The following RYR3 variants were observed in gnomAD, a reference collection of about 807,000 sequenced individuals.
RYR3 encodes the protein brain ryanodine receptor-calcium release channel.
A neutral mutation model predicts 584.3 loss-of-function variants in RYR3; 207 were observed. The observed-to-expected ratio is 0.35, with a 90% CI of 0.32 to 0.40. The LOEUF (loss-of-function observed/expected upper bound fraction) is 0.40. Among genes scored for constraint, RYR3 ranks in the 10% least tolerant of loss-of-function variants. The probability of loss-of-function intolerance (pLI) is 1.00; values close to 1 mark genes in which losing one functional copy is unlikely to be tolerated. For synonymous variants in RYR3, 2,416 were observed against 2,248.5 expected (o/e 1.07, Z -2.11); for missense variants, 5,616 against 6,089.2 (o/e 0.92, Z 2.59).
At chr15:33,578,576 G>T (rs1293563852) in intron 12 of RYR3, among the ~76,000 whole-genome samples, 1 of 152,082 alleles carries the variant, frequency 6.6e-6, no homozygotes, top group African/African-American at 2.4e-5. Context: ...ATGGACACAG[G>T]GAGGGGAACA....
At chr15:33,618,808 C>G (rs375943112) in intron 19 of RYR3, among the ~76,000 whole-genome samples, 21 of 152,268 alleles carry the variant, frequency 1.4e-4, no homozygotes, top group Non-Finnish European at 2.8e-4. Context: ...TTAGTCACCC[C>G]CTTTGAGCAC....
intron 3 of RYR3, among the ~76,000 whole-genome samples, chr15:33,504,861 C>A (rs1357730654): frequency 2.0e-5 from 3 of 152,184 alleles, no homozygotes; most frequent in Non-Finnish European, 4.4e-5. Flanking sequence ...TTCCCTCCTC[C>A]TCTCTCACTT....
chr15:33,388,347 A>G (rs2041768750), intron 1 of RYR3, among the ~76,000 whole-genome samples: 1 of 152,230 alleles, frequency 6.6e-6, no homozygotes, highest in Non-Finnish European at 1.5e-5. Flanking sequence ...GGAAGATGGT[A>G]TAGTGGAAAT....
rs74008335 is a variant in RYR3, at chr15:33,821,196, C to G, written c.10816-74C>G. 3,551 of 1,202,484 alleles carry G rather than the reference C, an allele frequency of 3.0e-3. 80 individuals carry two copies. The African/African-American group carries it at 0.047, about 16-fold the overall frequency. The allele number at this position is 1,202,484 out of a possible 1,614,324, so 74.5% of individuals were successfully genotyped here. ...TCCTTAGGTAACTGGAAAATTCTCT[C>G]TCACCTCACTATGGGTGAACTCCCT... On this transcript the variant is annotated intron_variant, in intron 78 of 103. Transcript: ENST00000634891.
At position 33,601,409 on chromosome 15, in the gene RYR3, C is replaced by A; in HGVS notation, c.1789-10C>A. 1 of 1,611,292 alleles carries A rather than the reference C, an allele frequency of 6.2e-7. No individual in the cohort carries two copies. The highest frequency in any genetic ancestry group is 8.5e-7 in the Non-Finnish European group (1 of 1,178,890). The stretch of plus-strand genomic sequence containing the variant: ...TGGTCCTAAGGTTTGGTGGGTGTGT[C>A]CTGCTGCAGGTTCTGGATATCCTGT... On this transcript the variant is annotated splice_polypyrimidine_tract_variant and intron_variant, in intron 16 of 103. Transcript: ENST00000634891.
At chr15:33,560,285 G>C (rs537111076) in intron 10 of RYR3, among the ~76,000 whole-genome samples, 2 of 152,238 alleles carry the variant, frequency 1.3e-5, no homozygotes, top group East Asian at 1.9e-4. Flanking sequence ...CTAGATCTTT[G>C]TTTGTTGTTG....
At chr15:33,791,274 T>A (rs1036018368) in intron 67 of RYR3, among the ~76,000 whole-genome samples, 1 of 151,998 alleles carries the variant, frequency 6.6e-6, no homozygotes, top group Admixed American at 6.5e-5. Flanking sequence ...AGAGAGACAA[T>A]TTCTAAGGCA....
intron 4 of RYR3, among the ~76,000 whole-genome samples, chr15:33,531,365 G>T (rs2054851765): frequency 6.6e-6 from 1 of 151,886 alleles, no homozygotes. Context: ...TTAAAAGGCA[G>T]ATATTGTAGT....
chr15:33,321,283 A>C (rs1467376196), intron 1 of RYR3, among the ~76,000 whole-genome samples: 2 of 152,188 alleles, frequency 1.3e-5, no homozygotes, highest in Non-Finnish European at 2.9e-5. Context: ...CTGGCTTTTC[A>C]TATCCAAGGA....
Position 33,662,618 on chromosome 15 carries a change from G to C in RYR3, c.5088G>C (p.Leu1696=). The change falls in exon 35 of 104, where the codon CTG becomes CTC. Residue 1696 remains leucine (L), a synonymous_variant. Transcript: ENST00000634891. ...IPLESLRTKA[L]SMLTEAVQCS... ...TGGAGAGTCTCAGGACGAAGGCTCT[G>C]AGTATGCTGACAGAGGCAGTGCAGT... 1 of 1,614,038 alleles carries C rather than the reference G, an allele frequency of 6.2e-7. No individual in the cohort carries two copies. The highest frequency in any genetic ancestry group is 1.3e-5 in the African/African-American group (1 of 75,036).
intron 38 of RYR3, among the ~76,000 whole-genome samples, chr15:33,679,675 C>T (rs28408314): frequency 0.16 from 24,956 of 152,154 alleles, 2,430 homozygotes; most frequent in Admixed American, 0.31. Flanking sequence ...AGAACTAGAA[C>T]AAAGGACTCT....
chr15:33,735,282 T>C (rs1479528762), intron 48 of RYR3, among the ~76,000 whole-genome samples: 1 of 152,230 alleles, frequency 6.6e-6, no homozygotes, highest in Non-Finnish European at 1.5e-5. Context: ...ACAAGGCTAC[T>C]TACTTGCTGT....
At chr15:33,704,882 G>A (rs2066575105) in intron 42 of RYR3, among the ~76,000 whole-genome samples, 1 of 152,210 alleles carries the variant, frequency 6.6e-6, no homozygotes. Context: ...CCGTTTTCAA[G>A]TAGTTGGGGT....
At position 33,636,514 on chromosome 15, in the gene RYR3, T is replaced by C; in HGVS notation, c.3520T>C (p.Ser1174Pro). 6.2e-7 allele frequency: 1 copy of C among 1,609,066 alleles called. No homozygotes were observed. Among genetic ancestry groups the C allele is most frequent in the Non-Finnish European group, 8.5e-7 (1 of 1,177,842 alleles). ...GGAGCTGCTGATCACCAACAAAGGC[T>C]CTGAACTTGCCTTCGCTGACTACGA... ...NGELLITNKG[S>P]ELAFADYEIE... Residue 1174 changes from serine (S) to proline (P), a missense_variant, in exon 27 of 104, where the codon TCT becomes CCT. Ser to Pro is a moderately conservative substitution (Grantham distance 74, BLOSUM62 -1). Around this residue, in one of 9 missense-constraint regions of RYR3, gnomAD observed 152 missense variants for 200.9 expected, o/e 0.76. Coordinates refer to ENST00000634891, the MANE Select transcript of RYR3 (RefSeq NM_001036.6).
chr15:33,457,689 C>T (rs1044361158), intron 1 of RYR3, among the ~76,000 whole-genome samples: 10 of 152,112 alleles, frequency 6.6e-5, no homozygotes, highest in Non-Finnish European at 1.2e-4. Context: ...TTCACAATAT[C>T]GTATACTTTA....
chr15:33,432,698 T>TGTGTGTGTGTGTGTGTGTGTG (rs2045294463), intron 1 of RYR3, among the ~76,000 whole-genome samples: 3 of 77,522 alleles, frequency 3.9e-5, no homozygotes, highest in African/African-American at 2.8e-4. Flanking sequence ...GTGTGTGTGT[T>TGTGTGTGTGTGTGTGTGTGTG]TAAAGTAGAG....
chr15:33,540,054 A>T (rs930021599), intron 6 of RYR3, among the ~76,000 whole-genome samples: 1 of 152,162 alleles, frequency 6.6e-6, no homozygotes, highest in Non-Finnish European at 1.5e-5. Context: ...GTCTGCTGCC[A>T]CGTGATCATG....
intron 1 of RYR3, among the ~76,000 whole-genome samples, chr15:33,457,827 C>A (rs1182839973): frequency 3.9e-5 from 6 of 152,168 alleles, no homozygotes; most frequent in Non-Finnish European, 1.5e-5. Flanking sequence ...TCACACTCTA[C>A]CCCACAAACT....
In RYR3 at chr15:33,736,268, G is replaced by C; in HGVS notation, c.7458G>C (p.Leu2486=). The part of the protein sequence containing the change: ...HLRPSMLQQL[L]RRLVFDVPQL... ...GGCCTTCCATGTTACAGCAACTCCT[G>C]CGACGCCTCGTTTTTGATGTGCCGC... is the stretch of plus-strand genomic sequence containing the variant. The change falls in exon 49 of 104, where the codon CTG becomes CTC. Residue 2486 remains leucine (L), a synonymous_variant. Transcript: ENST00000634891. 1 of 1,613,328 alleles carries C rather than the reference G, an allele frequency of 6.2e-7. No individual in the cohort carries two copies. Among genetic ancestry groups the C allele is most frequent in the South Asian group, 1.1e-5 (1 of 90,952 alleles).
Sources: gnomAD v4.1 joint callset for allele counts (sites outside exome capture counted in the v4.1 genomes callset) on GRCh38, gnomAD v4.1.1 for gene constraint, gnomAD v4.1.1 regional missense constraint, MANE v1.5 for transcripts, NCBI Gene and HGNC (gene_info 2026-07-23, HGNC 2026-07-21) for gene names.